The following TNS3 variants were observed in gnomAD, a reference collection of about 807,000 sequenced individuals.
The protein encoded by TNS3 is tensin 3, also known as tensin-3.
TNS3 carries 45 observed loss-of-function variants against 140.9 expected under a neutral mutation model. The observed-to-expected ratio is 0.32, with a 90% confidence interval of 0.25 to 0.41. TNS3 has a LOEUF of 0.41. Among genes scored for constraint, TNS3 ranks in the 10% least tolerant of loss-of-function variants. The pLI, the probability that TNS3 is intolerant of heterozygous loss-of-function variation, is 1.00. For synonymous variants in TNS3, 815 were observed against 788.4 expected (o/e 1.03, Z -0.56); for missense variants, 1,716 against 1,906.7 (o/e 0.90, Z 1.86).
rs200569507 is a variant in TNS3 at position 47,435,340 on chromosome 7, T to C, written c.266A>G (p.Lys89Arg). The C allele has an allele frequency of 1.6e-4, 254 of 1,614,008 alleles. No homozygotes were observed. Among genetic ancestry groups the C allele is most frequent in the Non-Finnish European group, 2.0e-4 (241 of 1,180,024 alleles). The change falls in exon 8 of 31, where the codon AAG becomes AGG. Residue 89 changes from lysine (K) to arginine (R), a missense_variant. By Grantham distance (26) the Lys-to-Arg change is conservative. Coordinates refer to ENST00000311160, the MANE Select transcript of TNS3 (RefSeq NM_022748.12). ...PPLDKMCTICKAQESWLNSNL... is the reference protein window; with the variant it reads ...PPLDKMCTICRAQESWLNSNL... ...GCTGTTCAGCCAGGACTCCTGCGCC[T>C]TGCATATGGTACACATCTTATCCAG...
At chr7:47,522,280 G>C (rs940018876) in intron 2 of TNS3, among the ~76,000 whole-genome samples, 3 of 152,204 alleles carry the variant, frequency 2.0e-5, no homozygotes, top group African/African-American at 7.2e-5. Flanking sequence ...ACATTCCCTG[G>C]TGTGTCTCCC....
intron 4 of TNS3, among the ~76,000 whole-genome samples, chr7:47,462,511 G>A (rs1796531150): frequency 6.6e-6 from 1 of 152,132 alleles, no homozygotes; most frequent in African/African-American, 2.4e-5. Context: ...GCTCAGTGTT[G>A]GCTAAATCAG....
At chr7:47,334,800 G>A (rs1185931624) in intron 20 of TNS3, among the ~76,000 whole-genome samples, 1 of 151,822 alleles carries the variant, frequency 6.6e-6, no homozygotes, top group Non-Finnish European at 1.5e-5. Flanking sequence ...GTAGAGACAG[G>A]GTTTCACCAT....
intron 4 of TNS3, among the ~76,000 whole-genome samples, chr7:47,452,483 T>C (rs1796058659): frequency 6.6e-6 from 1 of 152,238 alleles, no homozygotes. Flanking sequence ...TTTACCTTCA[T>C]GTTCAACTAT....
chr7:47,449,521 G>A (rs920294589), intron 4 of TNS3, among the ~76,000 whole-genome samples: 2 of 152,120 alleles, frequency 1.3e-5, no homozygotes, highest in African/African-American at 4.8e-5. Context: ...ACTTGGCTCA[G>A]ATGGCAACTT....
intron 16 of TNS3, among the ~76,000 whole-genome samples, chr7:47,386,673 T>C (rs1792092965): frequency 6.6e-6 from 1 of 152,172 alleles, no homozygotes; most frequent in Admixed American, 6.5e-5. Context: ...CTGGCATGCG[T>C]CCCCATCCAG....
chr7:47,429,194 C>A (rs1385847996), intron 8 of TNS3, among the ~76,000 whole-genome samples: 2 of 152,164 alleles, frequency 1.3e-5, no homozygotes, highest in Non-Finnish European at 2.9e-5. Flanking sequence ...AGATTCCATG[C>A]CATGTGAAAA....
In TNS3 at chr7:47,310,087, G is replaced by C. The variant is rs966938373; in HGVS notation, c.2651-5084C>G. The stretch of plus-strand genomic sequence containing the variant: ...AATCACACTGTTCTGGGGAGACCAA[G>C]TTTGGAGTTCAGAGCTACCAAGGCA... On this transcript the variant is annotated intron_variant, in intron 20 of 30. Transcript: ENST00000311160. Among the ~76,000 whole-genome samples, 4 of 152,180 alleles carry C rather than the reference G, an allele frequency of 2.6e-5. No homozygotes were observed. The South Asian group carries it at 8.3e-4, about 32-fold the overall frequency.
rs374030483 is a variant in TNS3 at position 47,428,383 on chromosome 7, G to A, written c.325-7C>T. The A allele has an allele frequency of 2.7e-4, 382 of 1,412,436 alleles. No homozygotes were observed. In the African/African-American group the frequency reaches 5.2e-3, roughly 19 times the overall value. 87.5% of individuals were successfully genotyped at this position (1,412,436 alleles called of 1,614,324 possible). ...CTATGCGTCCTTTCCCGCCCTGCAG[G>A]AGACAAAAGATCAGCTGATTTTCTC... On this transcript the variant is annotated splice_region_variant and splice_polypyrimidine_tract_variant and intron_variant, in intron 8 of 30. Transcript: ENST00000311160.
At chr7:47,529,010 T>C (rs1799299386) in intron 2 of TNS3, 26 bp downstream of exon 2, 1 of 1,224,192 alleles carries the variant, frequency 8.2e-7, no homozygotes. Context: ...GATTAATCAG[T>C]GAGAGAATCA....
At chr7:47,377,844 G>A (rs1382251514) in intron 16 of TNS3, among the ~76,000 whole-genome samples, 6 of 129,136 alleles carry the variant, frequency 4.6e-5, no homozygotes, top group Non-Finnish European at 9.6e-5. Context: ...AATTCCATGA[G>A]ACAATGGAAA....
At position 47,396,909 on chromosome 7, in the gene TNS3, A is replaced by G; in HGVS notation, c.920-5T>C. 1.2e-6 allele frequency: 2 copies of G among 1,609,470 alleles called. No homozygotes were observed. Among genetic ancestry groups the G allele is most frequent in the Non-Finnish European group, 1.7e-6 (2 of 1,175,672 alleles). On this transcript the variant is annotated splice_region_variant and splice_polypyrimidine_tract_variant and intron_variant, in intron 15 of 30. Coordinates refer to ENST00000311160, the MANE Select transcript of TNS3 (RefSeq NM_022748.12). ...CGTTGTACAAGTGTTCGGACCCTGC[A>G]CAGAGCACAGGCAGCAACATTAGTC...
chr7:47,473,111 C>T (rs533322883), intron 4 of TNS3, among the ~76,000 whole-genome samples: 3 of 152,282 alleles, frequency 2.0e-5, no homozygotes, highest in South Asian at 4.1e-4. Context: ...TGCCAATGCC[C>T]GAATGCTGTA....
At chr7:47,483,171 A>ACT (rs1350429306) in intron 3 of TNS3, among the ~76,000 whole-genome samples, 30 of 139,524 alleles carry the variant, frequency 2.2e-4, no homozygotes, top group African/African-American at 7.7e-4. Context: ...AGTGTGTCCA[A>ACT]TTTTTTTTTT....
intron 20 of TNS3, among the ~76,000 whole-genome samples, chr7:47,317,284 CAATTGGAATT>C: frequency 1.3e-5 from 2 of 152,328 alleles, no homozygotes; most frequent in African/African-American, 4.8e-5. Flanking sequence ...ATTCTCATCA[CAATTGGAATT>C]ATCCCCTTCA....
intron 27 of TNS3, among the ~76,000 whole-genome samples, chr7:47,286,680 C>T (rs1325194915): frequency 2.0e-5 from 3 of 152,080 alleles, no homozygotes; most frequent in Non-Finnish European, 4.4e-5. Context: ...AGGCAACAAT[C>T]CAGATTTCAG....
chr7:47,403,565 C>G (rs982273976), intron 13 of TNS3: 1 of 152,252 alleles, frequency 6.6e-6, no homozygotes, highest in Non-Finnish European at 1.5e-5. Context: ...ACGGCCTCAT[C>G]ATACACAATC....
At chr7:47,545,051 A>G (rs1414985836) in intron 1 of TNS3, among the ~76,000 whole-genome samples, 1 of 151,716 alleles carries the variant, frequency 6.6e-6, no homozygotes, top group Non-Finnish European at 1.5e-5. Context: ...CACTTCCTCC[A>G]GGGGGGTAAA....
intron 17 of TNS3, among the ~76,000 whole-genome samples, chr7:47,346,947 C>G (rs549127715): frequency 6.6e-6 from 1 of 152,208 alleles, no homozygotes; most frequent in Admixed American, 6.5e-5. Flanking sequence ...TGACACAGAT[C>G]CCTGGGGTCC....
Sources: gnomAD v4.1 joint callset for allele counts (sites outside exome capture counted in the v4.1 genomes callset) on GRCh38, gnomAD v4.1.1 for gene constraint, MANE v1.5 for transcripts, NCBI Gene and HGNC (gene_info 2026-07-23, HGNC 2026-07-21) for gene names.